Variants in TAFA1 observed in about 807,000 individuals in gnomAD.
The protein encoded by TAFA1 is chemokine-like protein TAFA-1.
In TAFA1, 4 loss-of-function variants were observed where a neutral mutation model predicts 18.5. The observed-to-expected ratio is 0.22, with a 90% CI of 0.11 to 0.49. The LOEUF (loss-of-function observed/expected upper bound fraction) is 0.49, where lower values mean the gene tolerates loss of function less well. Ranked by LOEUF, TAFA1 falls within the 20% of genes least tolerant of loss-of-function variation. TAFA1 has a pLI of 0.98. For missense variants in TAFA1, 147 were observed against 169.0 expected, an observed-to-expected ratio of 0.87 and a Z score of 0.72; for synonymous variants, 56 against 55.2, an observed-to-expected ratio of 1.01 and a Z score of -0.06.
chr3:68,063,554 C>A (rs2064634458), intron 2 of TAFA1, among the ~76,000 whole-genome samples: 1 of 151,984 alleles, frequency 6.6e-6, no homozygotes, highest in African/African-American at 2.4e-5. Flanking sequence ...TTAAAAATAT[C>A]TTTCTAGAGT....
At chr3:68,450,923 T>C (rs1275544916) in intron 3 of TAFA1, among the ~76,000 whole-genome samples, 1 of 152,222 alleles carries the variant, frequency 6.6e-6, no homozygotes, top group Non-Finnish European at 1.5e-5. Context: ...TCTTATGAGA[T>C]TGGCACCTTG....
chr3:68,276,456 C>T (rs1553665882), intron 2 of TAFA1, among the ~76,000 whole-genome samples: 1 of 152,152 alleles, frequency 6.6e-6, no homozygotes. Context: ...TGCCATGCCA[C>T]TTTCTAAAAT....
At chr3:68,474,556 C>A (rs2072056360) in intron 3 of TAFA1, among the ~76,000 whole-genome samples, 1 of 152,208 alleles carries the variant, frequency 6.6e-6, no homozygotes, top group Admixed American at 6.5e-5. Flanking sequence ...AATGTGCAGA[C>A]TTGGTCTCTA....
At chr3:68,519,637 A>G (rs182162823) in intron 3 of TAFA1, among the ~76,000 whole-genome samples, 140 of 152,320 alleles carry the variant, frequency 9.2e-4, no homozygotes, top group African/African-American at 3.1e-3. Flanking sequence ...GGAGTCTAGA[A>G]GTCTGAGACC....
intron 2 of TAFA1, among the ~76,000 whole-genome samples, chr3:68,087,864 T>C (rs904708568): frequency 6.8e-6 from 1 of 147,148 alleles, no homozygotes; most frequent in Admixed American, 6.6e-5. Flanking sequence ...ATTTAAAAAA[T>C]TTTTTTCTAC....
chr3:68,056,513 T>G (rs533400294), intron 2 of TAFA1, among the ~76,000 whole-genome samples: 107 of 152,274 alleles, frequency 7.0e-4, no homozygotes, highest in Non-Finnish European at 1.3e-3. Flanking sequence ...AGGTTTATTT[T>G]GGAGATGCAA....
At chr3:68,287,913 G>T (rs1391341646) in intron 2 of TAFA1, among the ~76,000 whole-genome samples, 1 of 86,238 alleles carries the variant, frequency 1.2e-5, no homozygotes, top group Non-Finnish European at 2.1e-5. Flanking sequence ...TTGTTGGGGG[G>T]TGGGGGGGCT....
At chr3:68,502,570 C>G (rs2072676078) in intron 3 of TAFA1, among the ~76,000 whole-genome samples, 1 of 152,042 alleles carries the variant, frequency 6.6e-6, no homozygotes, top group Admixed American at 6.6e-5. Context: ...CATGTCAATA[C>G]TACCAATATA....
intron 2 of TAFA1, among the ~76,000 whole-genome samples, chr3:68,312,647 G>A (rs1052801109): frequency 7.2e-5 from 11 of 152,264 alleles, no homozygotes; most frequent in Admixed American, 5.2e-4. Flanking sequence ...ATCACTATGA[G>A]CATTTTGGGA....
intron 2 of TAFA1, among the ~76,000 whole-genome samples, chr3:68,283,673 G>C (rs2067943213): frequency 6.6e-6 from 1 of 152,168 alleles, no homozygotes; most frequent in South Asian, 2.1e-4. Context: ...AAAGGTCTTA[G>C]CATATGCCTG....
chr3:68,050,786 C>T (rs7430568), intron 2 of TAFA1, among the ~76,000 whole-genome samples: 77,167 of 151,966 alleles, frequency 0.51, 20,000 homozygotes, highest in South Asian at 0.64. Context: ...GCCCTGCTAT[C>T]GTGACTGCTC....
intron 2 of TAFA1, among the ~76,000 whole-genome samples, chr3:68,021,275 A>G (rs1189987486): frequency 1.3e-5 from 2 of 151,316 alleles, no homozygotes; most frequent in Non-Finnish European, 2.9e-5. Context: ...TTAATTAATG[A>G]AGATACCTGA....
At chr3:68,123,901 A>T in intron 2 of TAFA1, among the ~76,000 whole-genome samples, 1 of 58,190 alleles carries the variant, frequency 1.7e-5, no homozygotes. Context: ...AAAAAAAAAA[A>T]AAAAAAAAAA....
At chr3:68,023,263 G>A (rs925093799) in intron 2 of TAFA1, among the ~76,000 whole-genome samples, 5 of 152,086 alleles carry the variant, frequency 3.3e-5, no homozygotes, top group Admixed American at 2.6e-4. Context: ...TCTTGCTCAC[G>A]CCACTGTCTG....
intron 3 of TAFA1, among the ~76,000 whole-genome samples, chr3:68,445,713 CT>C (rs1449337168): frequency 6.6e-6 from 1 of 152,038 alleles, no homozygotes; most frequent in African/African-American, 2.4e-5. Context: ...ATGATTGGGC[CT>C]CATCTTCAAA....
At chr3:68,031,084 G>A (rs1407936250) in intron 2 of TAFA1, among the ~76,000 whole-genome samples, 2 of 152,214 alleles carry the variant, frequency 1.3e-5, no homozygotes, top group South Asian at 2.1e-4. Context: ...CAAGTTTTGG[G>A]ATTGTTTCCT....
the TAFA1 span, among the ~76,000 whole-genome samples, chr3:67,996,651 T>C: frequency 6.6e-6 from 1 of 151,836 alleles, no homozygotes; most frequent in Non-Finnish European, 1.5e-5. Flanking sequence ...ATACAAAAAT[T>C]AGCCAGGTGT....
chr3:68,459,983 G>T (rs1033219820), intron 3 of TAFA1, among the ~76,000 whole-genome samples: 3 of 152,126 alleles, frequency 2.0e-5, no homozygotes, highest in African/African-American at 4.8e-5. Flanking sequence ...ACGTGTTAAG[G>T]CCGTTTATTG....
chr3:68,015,407 C>G (rs1328069479), intron 2 of TAFA1, among the ~76,000 whole-genome samples: 2 of 151,964 alleles, frequency 1.3e-5, no homozygotes, highest in East Asian at 1.9e-4. Context: ...CTGCCTTAGC[C>G]TCCTGAGTAG....
Sources: gnomAD v4.1 joint callset for allele counts (sites outside exome capture counted in the v4.1 genomes callset) on GRCh38, gnomAD v4.1.1 for gene constraint, MANE v1.5 for transcripts, NCBI Gene and HGNC (gene_info 2026-07-23, HGNC 2026-07-21) for gene names.